Variants in DHX34 observed in about 807,000 individuals in gnomAD.
DHX34 encodes the protein DExH-box helicase 34, also known as probable ATP-dependent RNA helicase DHX34.
Under a neutral mutation model 111.1 loss-of-function variants are expected in DHX34, and 96 were observed. The observed-to-expected ratio is 0.86, with a 90% confidence interval of 0.73 to 1.02. DHX34 has a LOEUF of 1.02. Among genes scored for constraint, DHX34 ranks in the 50% least tolerant of loss-of-function variants. The pLI is 0.00. For missense variants in DHX34, 1,560 were observed against 1,579.9 expected (o/e 0.99, Z 0.21); for synonymous variants, 688 against 670.4 (o/e 1.03, Z -0.41).
chr19:47,359,191 A>G (rs1189369391), intron 4 of DHX34, among the ~76,000 whole-genome samples: 1 of 152,170 alleles, frequency 6.6e-6, no homozygotes, highest in African/African-American at 2.4e-5. Context: ...ATGGCCTGGT[A>G]CATTGGCTCA....
At chr19:47,374,799 C>G (rs1454744049) in intron 9 of DHX34, among the ~76,000 whole-genome samples, 2 of 152,156 alleles carry the variant, frequency 1.3e-5, no homozygotes, top group Non-Finnish European at 2.9e-5. Flanking sequence ...CTTTGAGAAT[C>G]TAATGGAAAG....
At chr19:47,375,056 CGTTCT>C (rs1276128217) in intron 9 of DHX34, among the ~76,000 whole-genome samples, 6 of 152,154 alleles carry the variant, frequency 3.9e-5, no homozygotes, top group Non-Finnish European at 7.4e-5. Flanking sequence ...TCCACTTGGT[CGTTCT>C]GGGATGAGGC....
intron 3 of DHX34, among the ~76,000 whole-genome samples, chr19:47,357,579 T>C (rs932325651): frequency 1.3e-5 from 2 of 152,118 alleles, no homozygotes; most frequent in African/African-American, 2.4e-5. Flanking sequence ...CTGCTAGATA[T>C]CCTACGATGC....
intron 4 of DHX34, among the ~76,000 whole-genome samples, chr19:47,359,461 C>CA (rs112009015): frequency 1.6e-3 from 182 of 110,812 alleles, no homozygotes; most frequent in East Asian, 2.0e-3. Context: ...GATCCTGTCT[C>CA]AAAAAAAAAA....
Position 47,379,770 on chromosome 19 carries a change from G to C in DHX34, c.2767G>C (p.Asp923His), listed in dbSNP as rs762160827. The change falls in exon 14 of 17, where the codon GAT becomes CAT. Residue 923 changes from aspartate (D) to histidine (H), a missense_variant. Physicochemically the swap from Asp to His is moderately conservative, Grantham distance 81. Coordinates refer to ENST00000328771, the MANE Select transcript of DHX34 (RefSeq NM_014681.6). The part of the protein sequence containing the change: ...TNGDCSRLVA[D>H]GWLELQLADS... The stretch of plus-strand genomic sequence containing the variant: ...TGGTGACTGCTCCCGCCTGGTGGCC[G>C]ATGGCTGGCTGGAGCTGCAGCTAGC... 1.9e-6 allele frequency: 3 copies of C among 1,613,026 alleles called. No homozygotes were observed. The highest frequency in any genetic ancestry group is 2.2e-5 in the South Asian group (2 of 91,062).
rs774308379 is a variant in DHX34 at position 47,357,952 on chromosome 19, C to T, written c.1104C>T (p.Ser368=). The change falls in exon 4 of 17, where the codon TCC becomes TCT. Residue 368 remains serine (S), a synonymous_variant. Transcript: ENST00000328771. ...DPRPFLRVLE[S]IDHKYPPEER... ...GGCCTTTCCTGAGGGTGCTGGAGTC[C>T]ATTGACCACAAGTACCCGCCTGAGG... The T allele has an allele frequency of 1.2e-6, 2 of 1,614,046 alleles. No individual in the cohort carries two copies. The highest frequency in any genetic ancestry group is 1.7e-5 in the Admixed American group (1 of 60,026).
At position 47,375,997 on chromosome 19, in the gene DHX34, G is replaced by T. The variant is rs146804493; in HGVS notation, c.2381G>T (p.Arg794Leu). The T allele has an allele frequency of 1.9e-6, 3 of 1,605,254 alleles. No homozygotes were observed. The highest frequency in any genetic ancestry group is 2.5e-6 in the Non-Finnish European group (3 of 1,177,600). Residue 794 changes from arginine (R) to leucine (L), a missense_variant, in exon 11 of 17, where the codon CGC becomes CTC. By Grantham distance (102) the Arg-to-Leu change is moderately radical. Transcript: ENST00000328771. Reference sequence around the variant, plus strand: ...GCCAGCTCAGCCCAGGACCTGAGCCGCGAGCAGCTGGCTCTGCTGAAGCTG... The same window carrying T: ...GCCAGCTCAGCCCAGGACCTGAGCCTCGAGCAGCTGGCTCTGCTGAAGCTG... Reference protein sequence around the residue: ...AAASSAQDLSREQLALLKLVL... With the variant: ...AAASSAQDLSLEQLALLKLVL...
intron 7 of DHX34, among the ~76,000 whole-genome samples, chr19:47,368,410 G>A (rs530354050): frequency 5.8e-5 from 8 of 138,530 alleles, no homozygotes; most frequent in African/African-American, 2.1e-4. Context: ...GAGTTCAAGC[G>A]ATTCTCCTGC....
chr19:47,353,315 C>T lies in DHX34; in HGVS notation c.285C>T (p.Asp95=). The change falls in exon 2 of 17, where the codon GAC becomes GAT. Residue 95 remains aspartate, a synonymous_variant. Coordinates refer to ENST00000328771, the MANE Select transcript of DHX34 (RefSeq NM_014681.6). This position sits in a 1 kb window ranked among gnomAD's most constrained non-coding sequence, Gnocchi z 4.6. ...QPKHSIPALA[D]LPRTYDPRYR... is the part of the protein sequence containing the mutation. ...AGCACAGCATCCCAGCGCTGGCCGA[C>T]CTACCTCGCACTTACGACCCACGTT... 6.2e-7 allele frequency: 1 copy of T among 1,614,198 alleles called. No individual in the cohort carries two copies. The highest frequency in any genetic ancestry group is 1.1e-5 in the South Asian group (1 of 91,088).
chr19:47,352,340 C>T (rs1361509573), intron 1 of DHX34, among the ~76,000 whole-genome samples: 1 of 152,194 alleles, frequency 6.6e-6, no homozygotes, highest in Admixed American at 6.5e-5. Context: ...TCATTACCTC[C>T]TTTTTCTAGT....
intron 9 of DHX34, 163 bp from the exon 10 acceptor site, chr19:47,375,303 C>G (rs1410399618): frequency 1.0e-6 from 1 of 985,310 alleles, no homozygotes. Flanking sequence ...GCGAGGACAG[C>G]TCTCTCTCTG....
intron 6 of DHX34, among the ~76,000 whole-genome samples, chr19:47,365,973 T>C (rs1451314340): frequency 6.6e-6 from 1 of 152,192 alleles, no homozygotes; most frequent in Non-Finnish European, 1.5e-5. Context: ...ATGTCTAACT[T>C]AGGAACAATC....
intron 5 of DHX34, 95 bp from the exon 6 acceptor site, chr19:47,362,377 GAGTA>G: frequency 7.2e-7 from 1 of 1,391,784 alleles, no homozygotes; most frequent in South Asian, 1.7e-5. Flanking sequence ...CAGAATAAAG[GAGTA>G]AGTGAGGGTG....
intron 4 of DHX34, 82 bp from the exon 5 acceptor site, chr19:47,359,886 C>T: frequency 6.2e-7 from 1 of 1,602,746 alleles, no homozygotes; most frequent in African/African-American, 1.3e-5. Flanking sequence ...AAGCTGCTGA[C>T]ACGGGGGTGG....
chr19:47,354,214 C>T (rs964546769), intron 2 of DHX34, among the ~76,000 whole-genome samples: 1 of 152,176 alleles, frequency 6.6e-6, no homozygotes, highest in Non-Finnish European at 1.5e-5. Flanking sequence ...CCACCCACTT[C>T]GGCCTCCCAA....
At chr19:47,351,374 G>C (rs1272183780) in intron 1 of DHX34, among the ~76,000 whole-genome samples, 1 of 151,256 alleles carries the variant, frequency 6.6e-6, no homozygotes, top group Non-Finnish European at 1.5e-5. Context: ...CTCCAGCCTG[G>C]GTGACAGAGC....
At chr19:47,355,491 C>G (rs1055220432) in intron 3 of DHX34, 141 bp downstream of exon 3, 11 of 1,338,424 alleles carry the variant, frequency 8.2e-6, no homozygotes, top group Non-Finnish European at 1.1e-5. Context: ...CTACCATTTT[C>G]TGAGCATTCA....
At chr19:47,360,104 C>T in intron 5 of DHX34, 34 bp downstream of exon 5, 1 of 1,607,542 alleles carries the variant, frequency 6.2e-7, no homozygotes, top group Non-Finnish European at 8.5e-7. Context: ...CCCACCACCC[C>T]CAAGGACTTA....
intron 8 of DHX34, among the ~76,000 whole-genome samples, chr19:47,373,317 C>T (rs1422093456): frequency 6.6e-6 from 1 of 152,226 alleles, no homozygotes; most frequent in Admixed American, 6.5e-5. Flanking sequence ...CCGGGGTTCA[C>T]AGCCCAGTGC....
Sources: gnomAD v4.1 joint callset for allele counts (sites outside exome capture counted in the v4.1 genomes callset) on GRCh38, gnomAD v4.1.1 for gene constraint, Gnocchi (gnomAD v3.1) non-coding constraint, MANE v1.5 for transcripts, NCBI Gene and HGNC (gene_info 2026-07-23, HGNC 2026-07-21) for gene names.